The following FBXW11 variants were observed in gnomAD, a reference collection of about 807,000 sequenced individuals.
FBXW11 encodes the protein F-box and WD repeat domain containing 11.
FBXW11 carries 19 observed loss-of-function variants against 77.6 expected under a neutral mutation model. The observed-to-expected ratio is 0.24, with a 90% confidence interval of 0.17 to 0.36. FBXW11 has a LOEUF of 0.36. FBXW11 is among the 10% of genes least tolerant of loss of function. The pLI is 1.00. For synonymous variants in FBXW11, 235 were observed against 249.4 expected (o/e 0.94, Z 0.54); for missense variants, 334 against 704.2 (o/e 0.47, Z 5.95).
intron 4 of FBXW11, among the ~76,000 whole-genome samples, chr5:171,907,531 T>C (rs1253534084): frequency 4.6e-5 from 7 of 152,198 alleles, no homozygotes; most frequent in Non-Finnish European, 8.8e-5. Flanking sequence ...GTCTACTAGA[T>C]ACTAACTAAC....
intron 1 of FBXW11, among the ~76,000 whole-genome samples, chr5:171,982,548 C>G (rs192394187): frequency 1.0e-3 from 155 of 152,324 alleles, no homozygotes; most frequent in African/African-American, 3.6e-3. Context: ...CAGGTGTGAG[C>G]CACCACGCCC....
intron 4 of FBXW11, among the ~76,000 whole-genome samples, chr5:171,903,746 A>T (rs1261008199): frequency 6.6e-6 from 1 of 152,016 alleles, no homozygotes; most frequent in Non-Finnish European, 1.5e-5. Context: ...TCCAGAATCA[A>T]GTGATCCTCC....
intron 2 of FBXW11, among the ~76,000 whole-genome samples, chr5:171,936,620 G>C (rs563971646): frequency 6.6e-6 from 1 of 151,696 alleles, no homozygotes; most frequent in East Asian, 1.9e-4. Context: ...AGCACATCAT[G>C]AACAGAAACA....
At chr5:171,928,436 C>T (rs1762000387) in intron 2 of FBXW11, among the ~76,000 whole-genome samples, 1 of 152,120 alleles carries the variant, frequency 6.6e-6, no homozygotes, top group Non-Finnish European at 1.5e-5. Flanking sequence ...TCAGAACAGA[C>T]AACATAATCT....
intron 2 of FBXW11, among the ~76,000 whole-genome samples, chr5:171,952,900 G>C (rs1180268109): frequency 6.6e-6 from 1 of 151,622 alleles, no homozygotes; most frequent in Admixed American, 6.6e-5. Context: ...GCTATCGTTA[G>C]TGTTAGTGTA....
chr5:171,974,670 G>A (rs1011237498), intron 1 of FBXW11, among the ~76,000 whole-genome samples: 6 of 152,030 alleles, frequency 3.9e-5, no homozygotes, highest in Admixed American at 6.6e-5. Flanking sequence ...AGTGTGCTAC[G>A]ACTGCACCTA....
chr5:171,872,793 T>C (rs546811202), intron 10 of FBXW11, 79 bp downstream of exon 10: 4 of 1,009,366 alleles, frequency 4.0e-6, no homozygotes, highest in East Asian at 2.4e-5. Context: ...CTGAGTTGTT[T>C]TGAGCATTAG....
At chr5:171,878,603 A>AGTGTGTGTGTGT (rs34099380) in intron 7 of FBXW11, among the ~76,000 whole-genome samples, 3 of 128,474 alleles carry the variant, frequency 2.3e-5, no homozygotes, top group Non-Finnish European at 3.2e-5. Flanking sequence ...AGAGAGAGAG[A>AGTGTGTGTGTGT]GTGTGTGTGT....
intron 2 of FBXW11, among the ~76,000 whole-genome samples, chr5:171,917,609 C>T (rs2113968966): frequency 6.6e-6 from 1 of 152,238 alleles, no homozygotes; most frequent in South Asian, 2.1e-4. Flanking sequence ...TTTCAGAAGA[C>T]ACCAAAGGGA....
intron 1 of FBXW11, among the ~76,000 whole-genome samples, chr5:171,980,005 T>C (rs1765058946): frequency 6.6e-6 from 1 of 152,132 alleles, no homozygotes; most frequent in Non-Finnish European, 1.5e-5. Flanking sequence ...AAGTAACTTG[T>C]GGAATGCTGA....
intron 1 of FBXW11, among the ~76,000 whole-genome samples, chr5:171,979,332 A>AATACATAC (rs371289706): frequency 3.3e-5 from 5 of 151,940 alleles, no homozygotes; most frequent in Non-Finnish European, 5.9e-5. Flanking sequence ...ATACATACAT[A>AATACATAC]ATACATACAT....
intron 2 of FBXW11, among the ~76,000 whole-genome samples, chr5:171,924,418 G>A (rs931603088): frequency 1.3e-5 from 2 of 152,216 alleles, no homozygotes; most frequent in East Asian, 3.9e-4. Flanking sequence ...CTCCCATTCT[G>A]TGACTATTAA....
intron 2 of FBXW11, among the ~76,000 whole-genome samples, chr5:171,917,184 G>A (rs1428381722): frequency 6.6e-6 from 1 of 152,214 alleles, no homozygotes; most frequent in Non-Finnish European, 1.5e-5. Context: ...CTCCCACAGT[G>A]TTGGGATTAC....
At chr5:171,914,284 G>T in intron 3 of FBXW11, 59 bp downstream of exon 3, 1 of 1,417,002 alleles carries the variant, frequency 7.1e-7, no homozygotes, top group East Asian at 2.4e-5. Context: ...CATTAACTGA[G>T]GGAGCATCCT....
chr5:171,930,742 A>T (rs1762132286), intron 2 of FBXW11, among the ~76,000 whole-genome samples: 2 of 100,394 alleles, frequency 2.0e-5, no homozygotes, highest in Non-Finnish European at 3.9e-5. Context: ...ATAAAAAATA[A>T]AAAATAAAAA....
chr5:172,005,951 C>T (rs1264209967), intron 1 of FBXW11, among the ~76,000 whole-genome samples: 1 of 152,294 alleles, frequency 6.6e-6, no homozygotes, highest in Non-Finnish European at 1.5e-5. Flanking sequence ...CCTATCCTGG[C>T]ATCCACACAG....
intron 7 of FBXW11, among the ~76,000 whole-genome samples, chr5:171,890,207 TCAAGGGCTGA>T (rs1469620546): frequency 2.6e-4 from 40 of 151,968 alleles, no homozygotes; most frequent in Admixed American, 1.2e-3. Flanking sequence ...ACTGAGATGA[TCAAGGGCTGA>T]CAAGGATACA....
intron 1 of FBXW11, among the ~76,000 whole-genome samples, chr5:171,969,434 T>A (rs1457935789): frequency 6.6e-6 from 1 of 152,242 alleles, no homozygotes; most frequent in Non-Finnish European, 1.5e-5. Context: ...GACTACATCA[T>A]ATTTCTATTT....
At chr5:171,959,272 T>C (rs900123051) in intron 1 of FBXW11, among the ~76,000 whole-genome samples, 1 of 151,992 alleles carries the variant, frequency 6.6e-6, no homozygotes, top group Non-Finnish European at 1.5e-5. Flanking sequence ...TACACAAATT[T>C]TGTTGCCTCA....
Sources: allele counts gnomAD v4.1 joint callset (sites outside exome capture counted in the v4.1 genomes callset), GRCh38; gene constraint gnomAD v4.1.1; transcripts MANE v1.5; gene names NCBI Gene and HGNC (gene_info 2026-07-23, HGNC 2026-07-21).